The following GPR107 variants were observed in gnomAD, a reference collection of about 807,000 sequenced individuals.
GPR107 encodes the protein protein GPR107.
Under a neutral mutation model 75.5 loss-of-function variants are expected in GPR107, and 31 were observed. The ratio of observed to expected loss-of-function variants is 0.41; its 90% CI spans 0.31 to 0.55. The LOEUF (loss-of-function observed/expected upper bound fraction) is 0.55, where lower values mean the gene tolerates loss of function less well. Ranked by LOEUF, GPR107 falls within the 20% of genes least tolerant of loss-of-function variation. The pLI, the probability that GPR107 is intolerant of heterozygous loss-of-function variation, is 0.26. For missense variants in GPR107, 572 were observed against 665.7 expected (o/e 0.86, Z 1.55); for synonymous variants, 267 against 251.3 (o/e 1.06, Z -0.59).
At chr9:130,111,110 G>A (rs187886869) in intron 14 of GPR107, among the ~76,000 whole-genome samples, 234 of 152,124 alleles carry the variant, frequency 1.5e-3, no homozygotes, top group African/African-American at 5.4e-3. Flanking sequence ...GCCTCATGAG[G>A]CCTCCCAAAA....
At chr9:130,098,656 G>A (rs971189027) in intron 9 of GPR107, among the ~76,000 whole-genome samples, 2 of 152,196 alleles carry the variant, frequency 1.3e-5, no homozygotes. Flanking sequence ...ATTAAATTGT[G>A]TATTAGAGAT....
intron 14 of GPR107, chr9:130,110,440 C>T: frequency 7.5e-7 from 1 of 1,341,150 alleles, no homozygotes; most frequent in Non-Finnish European, 1.0e-6. Context: ...AACCAGGGTT[C>T]ACATTCCCCA....
At position 130,090,955 on chromosome 9, in the gene GPR107, C is replaced by A; in HGVS notation, c.701C>A (p.Pro234Gln). Reference sequence around the variant, plus strand: ...CATAAATGCCTTGGAAAAGAATTGCCAAGTGACAAGTTTACATTCAGCCTT... The same window carrying A: ...CATAAATGCCTTGGAAAAGAATTGCAAAGTGACAAGTTTACATTCAGCCTT... ...YFHKCLGKEL[P>Q]SDKFTFSLDI... The change falls in exon 8 of 18, where the codon CCA (proline) becomes CAA (glutamine). Residue 234 changes from proline (P) to glutamine (Q), a missense_variant. Transcript: ENST00000347136. 2.0e-6 allele frequency: 3 copies of A among 1,511,212 alleles called. No homozygotes were observed. Among genetic ancestry groups the A allele is most frequent in the South Asian group, 1.1e-5 (1 of 88,794 alleles). The allele number at this position is 1,511,212 out of a possible 1,614,324, so 93.6% of individuals were successfully genotyped here. A position where few individuals can be genotyped will look rare whatever the true frequency, so the allele number is the denominator to read the frequency against.
chr9:130,121,991 T>C (rs983631490), intron 14 of GPR107, among the ~76,000 whole-genome samples: 2 of 151,926 alleles, frequency 1.3e-5, no homozygotes, highest in Non-Finnish European at 1.5e-5. Flanking sequence ...CCTGGGTTCA[T>C]GCCATTCTCC....
chr9:130,131,487 C>A (rs1831826504), intron 17 of GPR107, among the ~76,000 whole-genome samples: 1 of 152,122 alleles, frequency 6.6e-6, no homozygotes. Flanking sequence ...CCTGCGCTAC[C>A]ACACACCCTT....
chr9:130,056,924 C>CAAA lies in GPR107; in HGVS notation c.141+2876_141+2878dup, dbSNP rs11442007. Reference sequence around the variant, plus strand: ...TGGGTGACAGAGCGAGACTCCTTCTCAAAAAAAAAAAAAAAAAAAAAAAAA... The same window carrying CAAA: ...TGGGTGACAGAGCGAGACTCCTTCTCAAAAAAAAAAAAAAAAAAAAAAAAAAAA... On this transcript the variant is annotated intron_variant, in intron 1 of 17. Transcript: ENST00000347136. Among the ~76,000 whole-genome samples, 191 of 42,856 alleles carry CAAA rather than the reference C, an allele frequency of 4.5e-3. 37 individuals carry two copies. The highest frequency in any genetic ancestry group is 0.016 in the African/African-American group (135 of 8,636). The allele number at this position is 42,856 out of a possible 152,430, so 28.1% of individuals were successfully genotyped here.
Position 130,054,393 on chromosome 9 carries a change from G to C in GPR107, c.141+320G>C, listed in dbSNP as rs111517692. On this transcript the variant is annotated intron_variant, in intron 1 of 17. Coordinates refer to ENST00000347136, the MANE Select transcript of GPR107 (RefSeq NM_020960.5). ...CTGAATTCCTCACTCAGGGCAGCCC[G>C]ATCGCCTTTCTTCTTTCTCCCCTCC... is the stretch of plus-strand genomic sequence containing the variant. 2.0e-5 allele frequency among the ~76,000 whole-genome samples: 3 copies of C among 152,166 alleles called. No homozygotes were observed. The South Asian group carries it at 6.2e-4, about 32-fold the overall frequency.
rs189207355 is a variant in GPR107 at position 130,068,130 on chromosome 9, A to G, written c.142-7506A>G. ...TGGTGCCTGAAGGTACTTTTTGCTT[A>G]CCTTTTGGATCTGATTTTTGTTTTG... On this transcript the variant is annotated intron_variant, in intron 1 of 17. Transcript: ENST00000347136. 9.2e-4 allele frequency among the ~76,000 whole-genome samples: 135 copies of G among 146,568 alleles called. 1 individual carries two copies. The highest frequency in any genetic ancestry group is 3.3e-3 in the African/African-American group (131 of 39,528).
intron 7 of GPR107, among the ~76,000 whole-genome samples, chr9:130,088,056 T>A (rs1030533804): frequency 6.6e-6 from 1 of 152,158 alleles, no homozygotes; most frequent in Non-Finnish European, 1.5e-5. Flanking sequence ...TTCGTCGCCA[T>A]CCTTATTAAT....
chr9:130,060,958 A>G (rs1169503617), intron 1 of GPR107, among the ~76,000 whole-genome samples: 1 of 152,230 alleles, frequency 6.6e-6, no homozygotes, highest in Non-Finnish European at 1.5e-5. Flanking sequence ...TGAAAAGATA[A>G]GTTAAAGCAG....
intron 14 of GPR107, chr9:130,114,444 G>A (rs1831376408): frequency 8.7e-6 from 2 of 231,158 alleles, no homozygotes; most frequent in South Asian, 7.9e-5. Context: ...GTGCAGTGGT[G>A]TGATCATAGT....
rs1831089071 is a variant in GPR107 at position 130,103,574 on chromosome 9, G to A, written c.1132-846G>A. Among the ~76,000 whole-genome samples the A allele has an allele frequency of 6.6e-6, 1 of 152,172 alleles. No homozygotes were observed. Among genetic ancestry groups the A allele is most frequent in the Non-Finnish European group, 1.5e-5 (1 of 68,036 alleles). On this transcript the variant is annotated intron_variant, in intron 12 of 17. Coordinates refer to ENST00000347136, the MANE Select transcript of GPR107 (RefSeq NM_020960.5). The surrounding 1 kb of genome is among the most constrained non-coding windows in gnomAD (Gnocchi z 4.3). ...GGGCCTGAGTACAGAGCTTAATAGT[G>A]GGCCTGAGTATATGAGGCTGTAGGG...
At chr9:130,078,793 G>A (rs1420957860) in intron 4 of GPR107, among the ~76,000 whole-genome samples, 1 of 152,180 alleles carries the variant, frequency 6.6e-6, no homozygotes, top group Non-Finnish European at 1.5e-5. Flanking sequence ...GCTTGAATGT[G>A]CCAGCTTAGG....
intron 5 of GPR107, among the ~76,000 whole-genome samples, chr9:130,080,582 C>T (rs1291490111): frequency 6.6e-6 from 1 of 151,880 alleles, no homozygotes; most frequent in East Asian, 1.9e-4. Flanking sequence ...AGCTCCGCCT[C>T]CCGGGTTCAC....
At chr9:130,078,046 T>A (rs1830399891) in intron 4 of GPR107, among the ~76,000 whole-genome samples, 1 of 151,684 alleles carries the variant, frequency 6.6e-6, no homozygotes, top group Non-Finnish European at 1.5e-5. Flanking sequence ...GCGCCTGTAG[T>A]CCCAGCTATT....
intron 10 of GPR107, among the ~76,000 whole-genome samples, chr9:130,099,786 TTTTA>T (rs977446590): frequency 3.7e-4 from 30 of 81,462 alleles, no homozygotes; most frequent in African/African-American, 1.4e-3. Flanking sequence ...TTATTATTGT[TTTTA>T]TTTCTTTGTT....
At chr9:130,125,082 G>A (rs1831639905) in intron 15 of GPR107, 118 bp downstream of exon 15, 3 of 382,704 alleles carry the variant, frequency 7.8e-6, no homozygotes, top group Non-Finnish European at 9.2e-6. Flanking sequence ...GCTGAGCAGT[G>A]TGGCTTGCTT....
intron 1 of GPR107, among the ~76,000 whole-genome samples, chr9:130,058,514 G>C (rs914536858): frequency 6.6e-6 from 1 of 151,706 alleles, no homozygotes; most frequent in African/African-American, 2.4e-5. Flanking sequence ...GCCTAGGCTG[G>C]AGCGCAATGG....
At position 130,135,061 on chromosome 9, in the gene GPR107, A is replaced by G. The variant is rs1831917839; in HGVS notation, c.1599A>G (p.Lys533=). 1 of 1,611,310 alleles carries G rather than the reference A, an allele frequency of 6.2e-7. No individual in the cohort carries two copies. Residue 533 remains lysine (K), a synonymous_variant, in exon 18 of 18, where the codon AAA becomes AAG. Coordinates refer to ENST00000347136, the MANE Select transcript of GPR107 (RefSeq NM_020960.5). The part of the protein sequence containing the change: ...TTSGVMESMK[K]VKKVTNGSVE... ...CTGGGGTGATGGAAAGTATGAAGAAAGTCAAGAAGGTGACCAACGGCTCCG... is the reference window on the plus strand; with the variant it reads ...CTGGGGTGATGGAAAGTATGAAGAAGGTCAAGAAGGTGACCAACGGCTCCG...
Sources: gnomAD v4.1 joint callset for allele counts (sites outside exome capture counted in the v4.1 genomes callset) on GRCh38, gnomAD v4.1.1 for gene constraint, Gnocchi (gnomAD v3.1) non-coding constraint, MANE v1.5 for transcripts, NCBI Gene and HGNC (gene_info 2026-07-23, HGNC 2026-07-21) for gene names.